FOXP2: variants seen among roughly 807,000 people sequenced by gnomAD.
FOXP2 encodes the protein forkhead box P2, also known as forkhead box protein P2.
FOXP2 carries 12 observed loss-of-function variants against 115.8 expected under a neutral mutation model. The observed-to-expected ratio is 0.10, with a 90% CI of 0.07 to 0.17. The LOEUF is 0.17. FOXP2 is among the 10% of genes least tolerant of loss of function. FOXP2 has a pLI of 1.00. For synonymous variants in FOXP2, 328 were observed against 297.7 expected, an observed-to-expected ratio of 1.10 and a Z score of -1.05; for missense variants, 629 against 843.5, an observed-to-expected ratio of 0.75 and a Z score of 3.15.
At chr7:114,247,063 C>A (rs1434795123) in intron 1 of FOXP2, among the ~76,000 whole-genome samples, 1 of 152,078 alleles carries the variant, frequency 6.6e-6, no homozygotes, top group African/African-American at 2.4e-5. Context: ...TTCTATGTAT[C>A]ATTTTTTATT....
intron 16 of FOXP2, among the ~76,000 whole-genome samples, chr7:114,672,439 G>T (rs1214181973): frequency 6.6e-6 from 1 of 152,056 alleles, no homozygotes; most frequent in African/African-American, 2.4e-5. Context: ...ACAAAAATTA[G>T]CTGGGCACGG....
intron 1 of FOXP2, among the ~76,000 whole-genome samples, chr7:114,143,126 G>C (rs1006905065): frequency 6.7e-6 from 1 of 148,704 alleles, no homozygotes; most frequent in African/African-American, 2.5e-5. Context: ...CCAGCCTGGG[G>C]GACAGAGCAA....
chr7:114,292,322 C>T (rs1796625476), intron 2 of FOXP2, among the ~76,000 whole-genome samples: 1 of 151,934 alleles, frequency 6.6e-6, no homozygotes, highest in African/African-American at 2.4e-5. Context: ...ATTGTTGAAA[C>T]ATGTAAAATT....
chr7:114,636,967 C>T (rs571161616), intron 6 of FOXP2, among the ~76,000 whole-genome samples: 9 of 151,898 alleles, frequency 5.9e-5, no homozygotes, highest in East Asian at 3.9e-4. Flanking sequence ...TCAGCCCAGG[C>T]GTTCAAGACT....
chr7:114,255,619 G>A lies in FOXP2; in HGVS notation c.-101-32400G>A, dbSNP rs149147324. The stretch of plus-strand genomic sequence containing the variant: ...GGCGGGCAATATAATCTCCTGGTGT[G>A]GCGTTTGTTAAGACCATTGGAAAAG... On this transcript the variant is annotated intron_variant, in intron 1 of 17. Coordinates refer to the FOXP2 transcript ENST00000634411. Among the ~76,000 whole-genome samples the A allele has an allele frequency of 2.4e-3, 366 of 152,276 alleles. 1 individual carries two copies. Among genetic ancestry groups the A allele is most frequent in the African/African-American group, 8.1e-3 (336 of 41,550 alleles).
At chr7:114,484,526 G>C (rs1350592546) in intron 2 of FOXP2, among the ~76,000 whole-genome samples, 1 of 151,822 alleles carries the variant, frequency 6.6e-6, no homozygotes, top group East Asian at 1.9e-4. Flanking sequence ...AGTGTATTCG[G>C]TATGTATGAG....
intron 2 of FOXP2, among the ~76,000 whole-genome samples, chr7:114,346,098 T>C (rs1246387753): frequency 2.0e-5 from 3 of 151,882 alleles, no homozygotes; most frequent in Non-Finnish European, 4.4e-5. Context: ...ACTCCTATTA[T>C]GCAATTTTAA....
At chr7:114,179,264 A>G (rs1793395484) in intron 1 of FOXP2, among the ~76,000 whole-genome samples, 1 of 151,962 alleles carries the variant, frequency 6.6e-6, no homozygotes, top group African/African-American at 2.4e-5. Flanking sequence ...AAATCTATAT[A>G]GATCATGAAT....
rs964695612 is a variant in FOXP2, at chr7:114,415,150, G to A, written c.-221G>A. The A allele has an allele frequency of 6.6e-6, 3 of 454,216 alleles. No individual in the cohort carries two copies. The highest frequency in any genetic ancestry group is 1.6e-5 in the South Asian group (1 of 64,482). 28.1% of individuals were successfully genotyped at this position (454,216 alleles called of 1,614,324 possible). On this transcript the variant is annotated 5_prime_UTR_variant, in exon 1 of 17. The change creates a new upstream start codon in the 5' untranslated region. Coordinates refer to ENST00000350908, the MANE Select transcript of FOXP2 (RefSeq NM_014491.4). ...GCACAAAATGCCATCAGTCTGGGAC[G>A]TGATCGGGCAGAGGTGTACTCACAG...
chr7:114,417,320 T>C (rs1793391901), intron 1 of FOXP2, among the ~76,000 whole-genome samples: 1 of 152,054 alleles, frequency 6.6e-6, no homozygotes, highest in Admixed American at 6.6e-5. Context: ...TTTTCTGTTT[T>C]TAATTTTTGC....
intron 1 of FOXP2, among the ~76,000 whole-genome samples, chr7:114,155,273 A>G (rs1274266059): frequency 6.6e-6 from 1 of 152,084 alleles, no homozygotes; most frequent in Non-Finnish European, 1.5e-5. Flanking sequence ...GGGGGATCAG[A>G]CATGCCTCAT....
intron 10 of FOXP2, 158 bp downstream of exon 10, chr7:114,654,167 T>A: frequency 6.7e-7 from 1 of 1,495,960 alleles, no homozygotes; most frequent in African/African-American, 1.4e-5. Flanking sequence ...TGTATGTTTC[T>A]TTTAAAGTAA....
chr7:114,195,048 A>T (rs1039460289), intron 1 of FOXP2, among the ~76,000 whole-genome samples: 1 of 152,204 alleles, frequency 6.6e-6, no homozygotes, highest in African/African-American at 2.4e-5. Flanking sequence ...AACCAAACTC[A>T]GTTAAACTGG....
chr7:114,597,488 C>T (rs1426615872), intron 3 of FOXP2, among the ~76,000 whole-genome samples: 1 of 152,058 alleles, frequency 6.6e-6, no homozygotes, highest in Admixed American at 6.6e-5. Context: ...TCATTACAAA[C>T]AGATAATCTT....
intron 1 of FOXP2, among the ~76,000 whole-genome samples, chr7:114,222,230 A>G (rs1039265603): frequency 1.3e-5 from 2 of 152,340 alleles, no homozygotes; most frequent in Admixed American, 6.5e-5. Context: ...ATCTTGGCTC[A>G]CTGCAGCCTC....
rs115132810 is a variant in FOXP2 at position 114,460,520 on chromosome 7, C to T, written c.168+33841C>T. On this transcript the variant is annotated intron_variant, in intron 2 of 16. Coordinates refer to ENST00000350908, the MANE Select transcript of FOXP2 (RefSeq NM_014491.4). ...AGATACCAGTTGGGATACTGTAGTG[C>T]AGAGGTAAGAATGTTGACAGGGATT... Among the ~76,000 whole-genome samples the T allele has an allele frequency of 8.0e-3, 1,223 of 152,224 alleles. 13 individuals carry two copies. The Middle Eastern group carries it at 0.085, about 11-fold the overall frequency.
intron 2 of FOXP2, among the ~76,000 whole-genome samples, chr7:114,352,175 G>A (rs776251214): frequency 1.3e-5 from 2 of 152,056 alleles, no homozygotes; most frequent in African/African-American, 4.8e-5. Context: ...GCTAAGGTGG[G>A]TGGATCACCT....
intron 1 of FOXP2, among the ~76,000 whole-genome samples, chr7:114,135,806 G>T (rs1792022342): frequency 6.6e-6 from 1 of 152,062 alleles, no homozygotes. Context: ...TCATGGATTT[G>T]CTGTGCCATT....
At chr7:114,497,907 A>C (rs549207061) in intron 2 of FOXP2, among the ~76,000 whole-genome samples, 1 of 152,102 alleles carries the variant, frequency 6.6e-6, no homozygotes, top group South Asian at 2.1e-4. Flanking sequence ...CTCCACTTAT[A>C]GATGATGAGA....
Sources: gnomAD v4.1 joint callset for allele counts (sites outside exome capture counted in the v4.1 genomes callset) on GRCh38, gnomAD v4.1.1 for gene constraint, MANE v1.5 for transcripts, NCBI Gene and HGNC (gene_info 2026-07-23, HGNC 2026-07-21) for gene names.